Variants in PACRG observed in about 807,000 individuals in gnomAD.
PACRG encodes the protein parkin coregulated gene protein.
Under a neutral mutation model 29.7 loss-of-function variants are expected in PACRG, and 29 were observed. The observed-to-expected ratio is 0.98, with a 90% CI of 0.73 to 1.33. The LOEUF is 1.33. Ranked by LOEUF, PACRG falls within the 40% of genes most tolerant of loss-of-function variation. PACRG has a pLI of 0.00. For synonymous variants in PACRG, 116 were observed against 118.7 expected (o/e 0.98, Z 0.15); for missense variants, 279 against 316.2 (o/e 0.88, Z 0.89).
rs574209411 is a variant in PACRG, at chr6:162,849,314, G to C, written c.291+35033G>C. 1.1e-4 allele frequency among the ~76,000 whole-genome samples: 16 copies of C among 152,336 alleles called. No individual in the cohort carries two copies. The East Asian group carries it at 2.5e-3, about 24-fold the overall frequency. ...CCGTGTGCAATAAGACGAGCACGGAGACAGGGGAGAGAGAAAAGAACAGGA... is the reference window on the plus strand; with the variant it reads ...CCGTGTGCAATAAGACGAGCACGGACACAGGGGAGAGAGAAAAGAACAGGA... On this transcript the variant is annotated intron_variant, in intron 2 of 4. Transcript: ENST00000366888.
At chr6:162,989,577 G>C (rs1803233079) in intron 2 of PACRG, among the ~76,000 whole-genome samples, 1 of 152,046 alleles carries the variant, frequency 6.6e-6, no homozygotes, top group Admixed American at 6.6e-5. Context: ...ACATTGTGTT[G>C]TTTAGGAAAT....
At chr6:162,930,015 G>C (rs1797731606) in intron 2 of PACRG, among the ~76,000 whole-genome samples, 1 of 151,688 alleles carries the variant, frequency 6.6e-6, no homozygotes, top group African/African-American at 2.4e-5. Flanking sequence ...GTAGTGTGAT[G>C]TCTCCAGCTT....
At chr6:162,846,430 C>T (rs1226969034) in intron 2 of PACRG, among the ~76,000 whole-genome samples, 2 of 152,202 alleles carry the variant, frequency 1.3e-5, no homozygotes, top group Non-Finnish European at 2.9e-5. Flanking sequence ...TACCATATTA[C>T]AAGTAATTCT....
intron 1 of PACRG, among the ~76,000 whole-genome samples, chr6:162,791,576 A>G (rs984649527): frequency 7.2e-5 from 11 of 152,198 alleles, no homozygotes; most frequent in Admixed American, 2.0e-4. Context: ...CCTGGAACTT[A>G]GAACAGCAAG....
chr6:163,174,126 C>G (rs1362807860), intron 4 of PACRG, among the ~76,000 whole-genome samples: 1 of 152,200 alleles, frequency 6.6e-6, no homozygotes, highest in Non-Finnish European at 1.5e-5. Flanking sequence ...TACTTTAGAG[C>G]AGGAATACCC....
chr6:162,921,221 G>C (rs529373238), intron 2 of PACRG, among the ~76,000 whole-genome samples: 5 of 152,270 alleles, frequency 3.3e-5, no homozygotes, highest in South Asian at 4.1e-4. Flanking sequence ...GAGACAGAGT[G>C]GGGAGGGAAG....
chr6:163,245,170 T>C (rs1370851066), intron 4 of PACRG: 3 of 362,942 alleles, frequency 8.3e-6, no homozygotes, highest in South Asian at 2.2e-5. Context: ...GTTGTGAAAG[T>C]TGTTTTTCCC....
At chr6:162,938,399 C>T (rs948436488) in intron 2 of PACRG, among the ~76,000 whole-genome samples, 1 of 152,212 alleles carries the variant, frequency 6.6e-6, no homozygotes, top group East Asian at 1.9e-4. Flanking sequence ...GACTTCTTTT[C>T]CTCTGGGTAG....
At chr6:162,861,826 T>C (rs1791884125) in intron 2 of PACRG, among the ~76,000 whole-genome samples, 1 of 152,232 alleles carries the variant, frequency 6.6e-6, no homozygotes, top group African/African-American at 2.4e-5. Context: ...TAAAGCTCTC[T>C]AAATTTCCTC....
intron 4 of PACRG, among the ~76,000 whole-genome samples, chr6:163,283,959 C>G (rs1435631259): frequency 6.6e-6 from 1 of 151,870 alleles, no homozygotes; most frequent in Non-Finnish European, 1.5e-5. Context: ...ACTAAAAATA[C>G]AAACTTAGCT....
intron 1 of PACRG, among the ~76,000 whole-genome samples, chr6:162,740,149 AT>A (rs565353557): frequency 2.2e-4 from 34 of 152,132 alleles, no homozygotes; most frequent in Middle Eastern, 3.4e-3. Flanking sequence ...CAAATTTTGT[AT>A]TTAGCGAGAT....
chr6:163,095,199 G>T, intron 4 of PACRG: 3 of 944,394 alleles, frequency 3.2e-6, no homozygotes, highest in Non-Finnish European at 3.8e-6. Context: ...TGCTTATGAG[G>T]TTAAATGCCT....
In PACRG at chr6:162,989,694, A is replaced by G. The variant is rs57113775; in HGVS notation, c.292-72456A>G. On this transcript the variant is annotated intron_variant, in intron 2 of 4. Transcript: ENST00000366888. ...ATCCACAGATTGAAAACCCGCAGAT[A>G]TGGAGGGCTGACTGTGTTCAGTACT... 6.9e-3 allele frequency among the ~76,000 whole-genome samples: 1,033 copies of G among 150,418 alleles called. 16 individuals are homozygous for G. Among genetic ancestry groups the G allele is most frequent in the African/African-American group, 0.024 (973 of 40,944 alleles).
At chr6:162,997,527 G>C (rs145204783) in intron 2 of PACRG, 2 of 419,630 alleles carry the variant, frequency 4.8e-6, no homozygotes, top group South Asian at 3.4e-5. Flanking sequence ...CTGGAAATTG[G>C]AAAAATTCAA....
At chr6:163,115,185 C>CT (rs1184266306) in intron 4 of PACRG, among the ~76,000 whole-genome samples, 1 of 152,072 alleles carries the variant, frequency 6.6e-6, no homozygotes, top group Non-Finnish European at 1.5e-5. Context: ...CTACTGCATG[C>CT]TGAGTTCCAG....
chr6:162,732,787 T>G (rs1584165901), intron 1 of PACRG, among the ~76,000 whole-genome samples: 2 of 152,304 alleles, frequency 1.3e-5, no homozygotes, highest in East Asian at 3.9e-4. Flanking sequence ...CTAATCTTTC[T>G]GGTACAATGT....
intron 2 of PACRG, among the ~76,000 whole-genome samples, chr6:162,970,343 C>A (rs1488395208): frequency 1.3e-5 from 2 of 152,072 alleles, no homozygotes; most frequent in Non-Finnish European, 2.9e-5. Flanking sequence ...GCATCGATTT[C>A]GGAGCTGCTG....
At chr6:162,903,848 C>G (rs1334241240) in intron 2 of PACRG, among the ~76,000 whole-genome samples, 2 of 152,194 alleles carry the variant, frequency 1.3e-5, no homozygotes, top group African/African-American at 4.8e-5. Flanking sequence ...ATTCACCCTG[C>G]CTCAGGGTGG....
intron 1 of PACRG, among the ~76,000 whole-genome samples, chr6:162,746,789 A>C (rs1348675660): frequency 6.6e-6 from 1 of 152,190 alleles, no homozygotes; most frequent in African/African-American, 2.4e-5. Context: ...CAGAATGTCC[A>C]TCCCCTGTTT....
Sources: allele counts gnomAD v4.1 joint callset (sites outside exome capture counted in the v4.1 genomes callset), GRCh38; gene constraint gnomAD v4.1.1; transcripts MANE v1.5; gene names NCBI Gene and HGNC (gene_info 2026-07-23, HGNC 2026-07-21).